The following MACROD2 variants were observed in gnomAD, a reference collection of about 807,000 sequenced individuals.
MACROD2 encodes the protein ADP-ribose glycohydrolase MACROD2.
MACROD2 carries 36 observed loss-of-function variants against 70.4 expected under a neutral mutation model. That is an observed-to-expected ratio of 0.51 (90% confidence interval 0.39 to 0.68). MACROD2 has a LOEUF of 0.68. Among genes scored for constraint, MACROD2 ranks in the 30% least tolerant of loss-of-function variants. The pLI, the probability that MACROD2 is intolerant of heterozygous loss-of-function variation, is 0.00. For missense variants in MACROD2, 496 were observed against 538.4 expected, an observed-to-expected ratio of 0.92 and a Z score of 0.78; for synonymous variants, 172 against 178.8, an observed-to-expected ratio of 0.96 and a Z score of 0.30.
chr20:15,602,318 A>G (rs1005671886), intron 8 of MACROD2, among the ~76,000 whole-genome samples: 3 of 152,224 alleles, frequency 2.0e-5, no homozygotes, highest in African/African-American at 4.8e-5. Flanking sequence ...CAGCTCTGAA[A>G]GGTCATGCTA....
In MACROD2 at chr20:14,256,191, T is replaced by A. The variant is rs1272401153; in HGVS notation, c.271+170463T>A. On this transcript the variant is annotated intron_variant, in intron 3 of 17. Transcript: ENST00000684519. Reference sequence around the variant, plus strand: ...TTTTAGCTGCATCTAATCAGCTGCTTATCCCGTACTTGGGTTCTTATTTTC... The same window carrying A: ...TTTTAGCTGCATCTAATCAGCTGCTAATCCCGTACTTGGGTTCTTATTTTC... Among the ~76,000 whole-genome samples, 3 of 152,260 alleles carry A rather than the reference T, an allele frequency of 2.0e-5. No individual in the cohort carries two copies. The East Asian group carries it at 5.8e-4, about 29-fold the overall frequency.
chr20:15,999,176 G>T (rs965682323), intron 15 of MACROD2, among the ~76,000 whole-genome samples: 1 of 151,822 alleles, frequency 6.6e-6, no homozygotes, highest in Non-Finnish European at 1.5e-5. Context: ...TGTAAGTTTT[G>T]TTATATGGTG....
chr20:14,226,556 G>C (rs796586825), intron 3 of MACROD2, among the ~76,000 whole-genome samples: 11 of 152,308 alleles, frequency 7.2e-5, no homozygotes, highest in African/African-American at 2.2e-4. Flanking sequence ...TTGCGGGCCA[G>C]CTGGAGTTCC....
chr20:15,084,115 G>T (rs1456932236), intron 5 of MACROD2, among the ~76,000 whole-genome samples: 2 of 117,334 alleles, frequency 1.7e-5, no homozygotes, highest in African/African-American at 6.1e-5. Flanking sequence ...GCCCATCCTG[G>T]AGTGCAGTGG....
At chr20:15,605,207 G>T (rs1463804874) in intron 8 of MACROD2, among the ~76,000 whole-genome samples, 1 of 152,058 alleles carries the variant, frequency 6.6e-6, no homozygotes, top group Non-Finnish European at 1.5e-5. Flanking sequence ...TCCATGACTT[G>T]ATCTCTTTTA....
At chr20:14,388,906 C>G (rs2083495883) in intron 3 of MACROD2, among the ~76,000 whole-genome samples, 1 of 152,018 alleles carries the variant, frequency 6.6e-6, no homozygotes, top group Admixed American at 6.5e-5. Context: ...GAGATAGAGT[C>G]TCATTCTATT....
At position 15,223,526 on chromosome 20, in the gene MACROD2, C is replaced by A. The variant is rs565105213; in HGVS notation, c.419-6414C>A. On this transcript the variant is annotated intron_variant, in intron 5 of 17. Coordinates refer to ENST00000684519, the MANE Select transcript of MACROD2 (RefSeq NM_001351661.2). ...GGGCTACAATTACATTCATTATTCC[C>A]AAATTAGATTGTGTTTACAATTAAT... is the stretch of plus-strand genomic sequence containing the variant. 4.6e-5 allele frequency among the ~76,000 whole-genome samples: 7 copies of A among 152,304 alleles called. No individual in the cohort carries two copies. In the East Asian group the frequency reaches 1.3e-3, roughly 29 times the overall value.
chr20:15,863,469 C>T (rs1024809970), intron 9 of MACROD2, among the ~76,000 whole-genome samples: 1 of 152,208 alleles, frequency 6.6e-6, no homozygotes, highest in Non-Finnish European at 1.5e-5. Context: ...TTTTTCTCCA[C>T]TCTCCCTCTT....
At chr20:14,927,923 TCAACAGTG>T (rs2074253168) in intron 5 of MACROD2, among the ~76,000 whole-genome samples, 1 of 152,230 alleles carries the variant, frequency 6.6e-6, no homozygotes, top group South Asian at 2.1e-4. Flanking sequence ...TTATATGTAT[TCAACAGTG>T]CAGAATGCTG....
At chr20:14,958,152 T>C (rs528726555) in intron 5 of MACROD2, among the ~76,000 whole-genome samples, 1 of 152,330 alleles carries the variant, frequency 6.6e-6, no homozygotes, top group South Asian at 2.1e-4. Flanking sequence ...CTGTTTCTAA[T>C]GTGTATGTAT....
intron 5 of MACROD2, among the ~76,000 whole-genome samples, chr20:15,089,517 T>C (rs565497162): frequency 1.3e-5 from 2 of 152,258 alleles, no homozygotes; most frequent in African/African-American, 4.8e-5. Context: ...ATGTCAACTC[T>C]TTTATCTGAT....
chr20:15,410,376 C>A (rs2046060436), intron 6 of MACROD2, among the ~76,000 whole-genome samples: 1 of 152,142 alleles, frequency 6.6e-6, no homozygotes, highest in African/African-American at 2.4e-5. Context: ...CCAATCATGT[C>A]TTTTGTTGTT....
At chr20:14,461,350 A>AT (rs1343144128) in intron 3 of MACROD2, among the ~76,000 whole-genome samples, 1 of 151,504 alleles carries the variant, frequency 6.6e-6, no homozygotes, top group Non-Finnish European at 1.5e-5. Context: ...TGGTTTATCT[A>AT]TTTTGTTAAT....
chr20:15,778,155 G>T (rs1299562125), intron 8 of MACROD2, among the ~76,000 whole-genome samples: 1 of 152,070 alleles, frequency 6.6e-6, no homozygotes, highest in Non-Finnish European at 1.5e-5. Flanking sequence ...TAAGTAACTT[G>T]GTCAAGTTTG....
At chr20:15,694,233 C>A (rs753039018) in intron 8 of MACROD2, among the ~76,000 whole-genome samples, 4 of 152,292 alleles carry the variant, frequency 2.6e-5, no homozygotes, top group Non-Finnish European at 5.9e-5. Context: ...AGATACCCAG[C>A]AGTGGAATTT....
chr20:15,830,648 A>G (rs2064045182), intron 8 of MACROD2, among the ~76,000 whole-genome samples: 1 of 152,206 alleles, frequency 6.6e-6, no homozygotes, highest in African/African-American at 2.4e-5. Flanking sequence ...GTGAGCTTGT[A>G]GAATAAAAGA....
chr20:14,133,000 A>ATGTG (rs142626031), intron 3 of MACROD2, among the ~76,000 whole-genome samples: 468 of 151,082 alleles, frequency 3.1e-3, no homozygotes, highest in East Asian at 9.1e-3. Flanking sequence ...AACATAACAT[A>ATGTG]TGTGTGTGTG....
At chr20:14,812,744 G>T (rs1236662010) in intron 5 of MACROD2, among the ~76,000 whole-genome samples, 2 of 151,882 alleles carry the variant, frequency 1.3e-5, no homozygotes, top group Non-Finnish European at 2.9e-5. Context: ...GATGTATGGG[G>T]GTTTCTCTCC....
chr20:14,026,886 A>G (rs2053175300), intron 2 of MACROD2, among the ~76,000 whole-genome samples: 1 of 152,156 alleles, frequency 6.6e-6, no homozygotes, highest in African/African-American at 2.4e-5. Context: ...AGCAGAAGTA[A>G]ATATTCCTGC....
Sources: gnomAD v4.1 joint callset for allele counts (sites outside exome capture counted in the v4.1 genomes callset) on GRCh38, gnomAD v4.1.1 for gene constraint, MANE v1.5 for transcripts, NCBI Gene and HGNC (gene_info 2026-07-23, HGNC 2026-07-21) for gene names.